ST3GAL6: variants seen among roughly 807,000 people sequenced by gnomAD.
The protein encoded by ST3GAL6 is type 2 lactosamine alpha-2,3-sialyltransferase.
In ST3GAL6, 31 loss-of-function variants were observed where a neutral mutation model predicts 40.5. The observed-to-expected ratio is 0.77, with a 90% CI of 0.58 to 1.03. ST3GAL6 has a LOEUF of 1.03. Among genes scored for constraint, ST3GAL6 ranks in the 50% least tolerant of loss-of-function variants. The pLI is 0.00. For missense variants in ST3GAL6, 357 were observed against 393.2 expected, an observed-to-expected ratio of 0.91 and a Z score of 0.78; for synonymous variants, 129 against 136.9, an observed-to-expected ratio of 0.94 and a Z score of 0.40.
At chr3:98,756,601 A>G in intron 1 of ST3GAL6, 2 of 1,156,564 alleles carry the variant, frequency 1.7e-6, no homozygotes, top group Non-Finnish European at 2.2e-6. Flanking sequence ...GAGCACTTGT[A>G]ATGTTCTTAT....
intron 5 of ST3GAL6, chr3:98,782,339 A>G: frequency 1.4e-6 from 1 of 701,282 alleles, no homozygotes; most frequent in Non-Finnish European, 2.6e-6. Flanking sequence ...AGATGTAATT[A>G]CAGCCATTGA....
At chr3:98,775,474 CAAAAA>C (rs34588217) in intron 5 of ST3GAL6, among the ~76,000 whole-genome samples, 1 of 125,028 alleles carries the variant, frequency 8.0e-6, no homozygotes, top group Non-Finnish European at 1.7e-5. Flanking sequence ...GACTTCGTCT[CAAAAA>C]AAAAAAAAAA....
chr3:98,782,596 G>T, intron 5 of ST3GAL6: 1 of 509,278 alleles, frequency 2.0e-6, no homozygotes, highest in East Asian at 3.8e-5. Flanking sequence ...ACTGTCCCTG[G>T]GGTCATCCAA....
At chr3:98,750,677 A>T (rs1182976919) in intron 1 of ST3GAL6, among the ~76,000 whole-genome samples, 1 of 152,236 alleles carries the variant, frequency 6.6e-6, no homozygotes, top group Non-Finnish European at 1.5e-5. Flanking sequence ...GGTGATGCCA[A>T]TGGCTATTAA....
chr3:98,753,762 G>T (rs1190469246), intron 1 of ST3GAL6, among the ~76,000 whole-genome samples: 1 of 152,228 alleles, frequency 6.6e-6, no homozygotes, highest in Non-Finnish European at 1.5e-5. Context: ...ACAGGAGTTT[G>T]AGGCCAGCCT....
At chr3:98,752,803 G>A (rs1012559362) in intron 1 of ST3GAL6, among the ~76,000 whole-genome samples, 2 of 152,192 alleles carry the variant, frequency 1.3e-5, no homozygotes, top group African/African-American at 2.4e-5. Flanking sequence ...TATTGTAATT[G>A]TTTTGGGACA....
At chr3:98,743,579 T>C (rs1936302299) in intron 1 of ST3GAL6, among the ~76,000 whole-genome samples, 1 of 152,096 alleles carries the variant, frequency 6.6e-6, no homozygotes, top group Non-Finnish European at 1.5e-5. Context: ...ATATCAGACA[T>C]ACAGAGGAGT....
chr3:98,760,079 A>G (rs186832298), upstream of ST3GAL6, among the ~76,000 whole-genome samples: 169 of 152,366 alleles, frequency 1.1e-3, no homozygotes, highest in Non-Finnish European at 1.8e-3. Flanking sequence ...TTCTTCAGAG[A>G]AACTTCTGTT....
At chr3:98,772,593 G>A (rs1939107904) in intron 3 of ST3GAL6, among the ~76,000 whole-genome samples, 1 of 151,942 alleles carries the variant, frequency 6.6e-6, no homozygotes, top group Non-Finnish European at 1.5e-5. Context: ...TGGCTGCAAA[G>A]TGTTTTCATT....
intron 5 of ST3GAL6, among the ~76,000 whole-genome samples, chr3:98,778,977 A>C (rs888016548): frequency 5.3e-5 from 8 of 152,194 alleles, no homozygotes; most frequent in African/African-American, 1.7e-4. Context: ...GCACAACTCC[A>C]GGGAGTACCG....
chr3:98,734,352 C>A (rs897991882), intron 1 of ST3GAL6, among the ~76,000 whole-genome samples: 1 of 152,138 alleles, frequency 6.6e-6, no homozygotes, highest in Non-Finnish European at 1.5e-5. Flanking sequence ...TGCCCTTAGA[C>A]TGTTATTTAG....
intron 2 of ST3GAL6, 30 bp from the exon 3 acceptor site, chr3:98,770,849 T>C (rs1938904412): frequency 6.2e-7 from 1 of 1,607,442 alleles, no homozygotes; most frequent in Non-Finnish European, 8.5e-7. Context: ...CCGATTCTGG[T>C]TTCTGACTGA....
intron 5 of ST3GAL6, among the ~76,000 whole-genome samples, chr3:98,780,345 C>T (rs563972351): frequency 5.3e-5 from 8 of 152,296 alleles, no homozygotes; most frequent in Admixed American, 5.2e-4. Context: ...ATGCGTAAAT[C>T]TTTGCAATAT....
intron 1 of ST3GAL6, among the ~76,000 whole-genome samples, chr3:98,763,682 A>T (rs1270426219): frequency 6.6e-6 from 1 of 151,552 alleles, no homozygotes; most frequent in Non-Finnish European, 1.5e-5. Flanking sequence ...AGGGAACAGA[A>T]GGGTGCCTCA....
At chr3:98,774,228 A>G (rs1939298594) in intron 5 of ST3GAL6, among the ~76,000 whole-genome samples, 1 of 152,218 alleles carries the variant, frequency 6.6e-6, no homozygotes. Flanking sequence ...AAATCAGGAC[A>G]TTTTTAACCT....
At chr3:98,765,348 C>T (rs1191940110) in intron 1 of ST3GAL6, among the ~76,000 whole-genome samples, 2 of 152,192 alleles carry the variant, frequency 1.3e-5, no homozygotes, top group African/African-American at 4.8e-5. Context: ...TTTCTGTCTT[C>T]CTTAAACTGT....
chr3:98,749,382 T>C (rs541871932), intron 1 of ST3GAL6, among the ~76,000 whole-genome samples: 140 of 152,364 alleles, frequency 9.2e-4, no homozygotes, highest in Non-Finnish European at 1.7e-3. Flanking sequence ...TAGTGGTATA[T>C]GTGTTGTCAC....
chr3:98,753,098 G>A (rs1052938378), intron 1 of ST3GAL6, among the ~76,000 whole-genome samples: 6 of 152,214 alleles, frequency 3.9e-5, no homozygotes, highest in Non-Finnish European at 7.3e-5. Flanking sequence ...CAGAAACTAT[G>A]CCTCTTGAGA....
At chr3:98,764,293 G>C (rs1938101646) in intron 1 of ST3GAL6, among the ~76,000 whole-genome samples, 1 of 152,048 alleles carries the variant, frequency 6.6e-6, no homozygotes, top group Admixed American at 6.5e-5. Flanking sequence ...CCTTTGGTTT[G>C]AGAAAGCATT....
Sources: gnomAD v4.1 joint callset for allele counts (sites outside exome capture counted in the v4.1 genomes callset) on GRCh38, gnomAD v4.1.1 for gene constraint, MANE v1.5 for transcripts, NCBI Gene and HGNC (gene_info 2026-07-23, HGNC 2026-07-21) for gene names.